ABRA: variants seen among roughly 807,000 people sequenced by gnomAD.
ABRA encodes actin binding Rho activating protein.
ABRA carries 25 observed loss-of-function variants against 33.4 expected under a neutral mutation model. That is an observed-to-expected ratio of 0.75 (90% CI 0.55 to 1.04). The LOEUF is 1.04. Ranked by LOEUF, ABRA falls within the 50% of genes least tolerant of loss-of-function variation. The pLI is 0.00. For missense variants in ABRA, 501 were observed against 491.7 expected (o/e 1.02, Z -0.18); for synonymous variants, 193 against 176.8 (o/e 1.09, Z -0.73).
At position 106,761,410 on chromosome 8, in the gene ABRA, T is replaced by A; in HGVS notation, c.773A>T (p.Gln258Leu). 3.7e-6 allele frequency: 6 copies of A among 1,614,208 alleles called. No individual in the cohort carries two copies. The highest frequency in any genetic ancestry group is 5.1e-6 in the Non-Finnish European group (6 of 1,180,046). The change falls in exon 2 of 2, where the codon CAA becomes CTA. Residue 258 changes from glutamine to leucine, a missense_variant. Physicochemically the swap from Gln to Leu is moderately radical, Grantham distance 113 (BLOSUM62 -2). Transcript: ENST00000311955. Reference protein sequence around the residue: ...RWQQWADEHIQSQKLNPFSEE... With the variant: ...RWQQWADEHILSQKLNPFSEE... Reference sequence around the variant, plus strand: ...ACTGAAAGGATTGAGCTTCTGGGATTGTATGTGTTCATCAGCCCACTGCTG... The same window carrying A: ...ACTGAAAGGATTGAGCTTCTGGGATAGTATGTGTTCATCAGCCCACTGCTG...
In ABRA at chr8:106,769,825, C is replaced by T. The variant is rs186791239; in HGVS notation, c.366G>A (p.Gly122=). ...TVVSKTYERG[G]DVSHLSHRYE... ...ACCTGTGGCTGAGGTGGCTCACGTC[C>T]CCTCCTCTCTCATAAGTCTTGCTGA... Residue 122 remains glycine, a synonymous_variant, in exon 1 of 2, where the codon GGG becomes GGA. Transcript: ENST00000311955. 199 of 1,614,086 alleles carry T rather than the reference C, an allele frequency of 1.2e-4. No homozygotes were observed. Among genetic ancestry groups the T allele is most frequent in the Non-Finnish European group, 1.6e-4 (185 of 1,180,028 alleles).
Position 106,760,796 on chromosome 8 carries a change from T to C in ABRA, c.*241A>G, listed in dbSNP as rs1836123540. ...AAAAACAAAAACACCCTGTGGAATTTCAACTATTAATACTATTATTATACA... is the reference window on the plus strand; with the variant it reads ...AAAAACAAAAACACCCTGTGGAATTCCAACTATTAATACTATTATTATACA... On this transcript the variant is annotated 3_prime_UTR_variant, in exon 2 of 2. Transcript: ENST00000311955. 12 of 466,870 alleles carry C rather than the reference T, an allele frequency of 2.6e-5. No individual in the cohort carries two copies. The highest frequency in any genetic ancestry group is 4.5e-5 in the Non-Finnish European group (12 of 265,216). 28.9% of individuals were successfully genotyped at this position (466,870 alleles called of 1,614,324 possible).
In ABRA at chr8:106,760,208, C is replaced by G. The variant is rs1290644895; in HGVS notation, c.*829G>C. 6.6e-6 allele frequency: 1 copy of G among 152,186 alleles called. No homozygotes were observed. Among genetic ancestry groups the G allele is most frequent in the Non-Finnish European group, 1.5e-5 (1 of 68,032 alleles). The allele number at this position is 152,186 out of a possible 1,614,324, so 9.4% of individuals were successfully genotyped here. ...AGAAGTCCTACAAAGGCAAGTAAATCTGAATCTCTCACCTCTGCTCTACTT... is the reference window on the plus strand; with the variant it reads ...AGAAGTCCTACAAAGGCAAGTAAATGTGAATCTCTCACCTCTGCTCTACTT... On this transcript the variant is annotated 3_prime_UTR_variant, in exon 2 of 2. Coordinates refer to ENST00000311955, the MANE Select transcript of ABRA (RefSeq NM_139166.5).
chr8:106,763,167 C>A (rs1040918436), intron 1 of ABRA, among the ~76,000 whole-genome samples: 1 of 152,300 alleles, frequency 6.6e-6, no homozygotes, highest in East Asian at 1.9e-4. Context: ...AAGGCTGGAA[C>A]CAAACACGTG....
Position 106,769,641 on chromosome 8 carries a change from A to C in ABRA, c.550T>G (p.Trp184Gly). Residue 184 changes from tryptophan to glycine, a missense_variant, in exon 1 of 2, where the codon TGG becomes GGG. Coordinates refer to ENST00000311955, the MANE Select transcript of ABRA (RefSeq NM_139166.5). ...WRVMEQEEPT[W>G]RSDSVDTEDS... ...TCTGTGTCTACGCTGTCACTCCTCC[A>C]TGTGGGCTCCTCCTGCTCCATCACT... 1 of 1,613,988 alleles carries C rather than the reference A, an allele frequency of 6.2e-7. No individual in the cohort carries two copies.
Position 106,761,249 on chromosome 8 carries a change from C to A in ABRA, c.934G>T (p.Asp312Tyr), listed in dbSNP as rs757373126. ...ATTGTGCAGATAATGAAGCACATGT[C>A]CATCATTTCCCTGTAGATGTGCTCC... ...AEEHIYREMM[D>Y]MCFIICTMAR... Residue 312 changes from aspartate (D) to tyrosine (Y), a missense_variant, in exon 2 of 2, where the codon GAC becomes TAC. Physicochemically the swap from Asp to Tyr is radical, Grantham distance 160. Coordinates refer to ENST00000311955, the MANE Select transcript of ABRA (RefSeq NM_139166.5). 1 of 1,614,214 alleles carries A rather than the reference C, an allele frequency of 6.2e-7. No homozygotes were observed. The highest frequency in any genetic ancestry group is 8.5e-7 in the Non-Finnish European group (1 of 1,180,036).
intron 1 of ABRA, 91 bp downstream of exon 1, chr8:106,769,432 G>GGCAGGACTTCATCTGCT (rs1810560662): frequency 6.6e-7 from 1 of 1,508,884 alleles, no homozygotes; most frequent in Non-Finnish European, 9.0e-7. Context: ...CTCTAACCCT[G>GGCAGGACTTCATCTGCT]GCAGGACTTC....
Position 106,760,902 on chromosome 8 carries a change from G to A in ABRA, c.*135C>T. 1 of 799,740 alleles carries A rather than the reference G, an allele frequency of 1.3e-6. No individual in the cohort carries two copies. The highest frequency in any genetic ancestry group is 1.8e-5 in the South Asian group (1 of 56,608). 49.5% of individuals were successfully genotyped at this position (799,740 alleles called of 1,614,324 possible). A position where few individuals can be genotyped will look rare whatever the true frequency, so the allele number is the denominator to read the frequency against. ...TCCTCATTCTAGATAGAAATAGAATGCCAGAAAGTCGTTTATGTAAAAATT... is the reference window on the plus strand; with the variant it reads ...TCCTCATTCTAGATAGAAATAGAATACCAGAAAGTCGTTTATGTAAAAATT... On this transcript the variant is annotated 3_prime_UTR_variant, in exon 2 of 2. Coordinates refer to ENST00000311955, the MANE Select transcript of ABRA (RefSeq NM_139166.5).
chr8:106,765,515 G>A (rs925427865), intron 1 of ABRA, among the ~76,000 whole-genome samples: 2 of 152,158 alleles, frequency 1.3e-5, no homozygotes, highest in African/African-American at 4.8e-5. Flanking sequence ...CCAACTTCTA[G>A]GAGAAATGCT....
At chr8:106,767,310 T>C (rs1467092407) in intron 1 of ABRA, among the ~76,000 whole-genome samples, 1 of 152,182 alleles carries the variant, frequency 6.6e-6, no homozygotes, top group Non-Finnish European at 1.5e-5. Context: ...GAGAGAAAGA[T>C]CTTGTCATTG....
chr8:106,762,577 A>G (rs902195862), intron 1 of ABRA, among the ~76,000 whole-genome samples: 4 of 151,980 alleles, frequency 2.6e-5, no homozygotes, highest in Non-Finnish European at 4.4e-5. Context: ...AAAACCAAAC[A>G]CCACATGTTC....
rs1158912065 is a variant in ABRA, at chr8:106,766,063, C to T, written c.668+3460G>A. On this transcript the variant is annotated intron_variant, in intron 1 of 1. Coordinates refer to ENST00000311955, the MANE Select transcript of ABRA (RefSeq NM_139166.5). The stretch of plus-strand genomic sequence containing the variant: ...GTCAGTTTCCCTATTTACAAAATGG[C>T]AGCCTCCTGCTCAACTGCTATTATT... 2.6e-5 allele frequency among the ~76,000 whole-genome samples: 4 copies of T among 152,148 alleles called. No individual in the cohort carries two copies. The South Asian group carries it at 6.2e-4, about 24-fold the overall frequency.
At chr8:106,765,002 G>C (rs1836195294) in intron 1 of ABRA, among the ~76,000 whole-genome samples, 2 of 151,846 alleles carry the variant, frequency 1.3e-5, no homozygotes, top group Non-Finnish European at 2.9e-5. Context: ...TGTAAGAATC[G>C]ATACCAGATT....
rs955757130 is a variant in ABRA at position 106,761,011 on chromosome 8, C to G, written c.*26G>C. On this transcript the variant is annotated 3_prime_UTR_variant, in exon 2 of 2. Coordinates refer to ENST00000311955, the MANE Select transcript of ABRA (RefSeq NM_139166.5). ...ATTTAGCATTAAGACCATAGTGGGCCAAATTTGGCTTTTGTTTTTGAAGGT... is the reference window on the plus strand; with the variant it reads ...ATTTAGCATTAAGACCATAGTGGGCGAAATTTGGCTTTTGTTTTTGAAGGT... 6.3e-7 allele frequency: 1 copy of G among 1,596,798 alleles called. No homozygotes were observed.
At chr8:106,765,703 T>C (rs1836210053) in intron 1 of ABRA, among the ~76,000 whole-genome samples, 1 of 152,224 alleles carries the variant, frequency 6.6e-6, no homozygotes, top group South Asian at 2.1e-4. Context: ...GAGCCAGGCC[T>C]GTGATTCTCC....
chr8:106,768,344 A>C (rs1011585647), intron 1 of ABRA, among the ~76,000 whole-genome samples: 12 of 152,286 alleles, frequency 7.9e-5, no homozygotes, highest in African/African-American at 2.4e-4. Context: ...TTTCTTGTCT[A>C]TATACATGTT....
chr8:106,769,987 G>A lies in ABRA; in HGVS notation c.204C>T (p.Pro68=). The A allele has an allele frequency of 6.2e-7, 1 of 1,613,980 alleles. No homozygotes were observed. Among genetic ancestry groups the A allele is most frequent in the Non-Finnish European group, 8.5e-7 (1 of 1,179,986 alleles). Reference sequence around the variant, plus strand: ...TCTGAGCTTTCTGGTGTGAAGTAGGGGGTGTGATTGGTTTAGGAGCTTGAG... The same window carrying A: ...TCTGAGCTTTCTGGTGTGAAGTAGGAGGTGTGATTGGTTTAGGAGCTTGAG... The part of the protein sequence containing the change: ...DSPQAPKPIT[P]PTSHQKAQSA... The change falls in exon 1 of 2, where the codon CCC becomes CCT. Residue 68 remains proline, a synonymous_variant. Transcript: ENST00000311955.
rs1836134338 is a variant in ABRA at position 106,761,270 on chromosome 8, G to A, written c.913C>T (p.His305Tyr). 1 of 1,614,208 alleles carries A rather than the reference G, an allele frequency of 6.2e-7. No homozygotes were observed. Among genetic ancestry groups the A allele is most frequent in the Non-Finnish European group, 8.5e-7 (1 of 1,180,044 alleles). Residue 305 changes from histidine to tyrosine, a missense_variant, in exon 2 of 2, where the codon CAC becomes TAC. Transcript: ENST00000311955. ...TAERAKRAEE[H>Y]IYREMMDMCF... Reference sequence around the variant, plus strand: ...ATGTCCATCATTTCCCTGTAGATGTGCTCCTCAGCACGCTTGGCCCTTTCA... The same window carrying A: ...ATGTCCATCATTTCCCTGTAGATGTACTCCTCAGCACGCTTGGCCCTTTCA...
At chr8:106,761,639 A>G in intron 1 of ABRA, 125 bp from the exon 2 acceptor site, 1 of 776,584 alleles carries the variant, frequency 1.3e-6, no homozygotes, top group Non-Finnish European at 2.0e-6. Context: ...ACAAAAATAA[A>G]CACAATATAA....
Sources: gnomAD v4.1 joint callset for allele counts (sites outside exome capture counted in the v4.1 genomes callset) on GRCh38, gnomAD v4.1.1 for gene constraint, MANE v1.5 for transcripts, NCBI Gene and HGNC (gene_info 2026-07-23, HGNC 2026-07-21) for gene names.